ZEB1: variants seen among roughly 807,000 people sequenced by gnomAD.
The protein encoded by ZEB1 is zinc finger E-box-binding homeobox 1.
Under a neutral mutation model 84.9 loss-of-function variants are expected in ZEB1, and 21 were observed. That is an observed-to-expected ratio of 0.25 (90% confidence interval 0.18 to 0.36). ZEB1 has a LOEUF of 0.36. Among genes scored for constraint, ZEB1 ranks in the 10% least tolerant of loss-of-function variants. The pLI is 1.00. For missense variants in ZEB1, 1,104 were observed against 1,330.2 expected (o/e 0.83, Z 2.65); for synonymous variants, 420 against 471.1 (o/e 0.89, Z 1.41).
chr10:31,379,534 T>C (rs1446728538), intron 1 of ZEB1, among the ~76,000 whole-genome samples: 1 of 151,962 alleles, frequency 6.6e-6, no homozygotes, highest in Non-Finnish European at 1.5e-5. Context: ...AATTTTAAAA[T>C]AAATCTTTTA....
At chr10:31,422,635 TC>T (rs1162557395) in intron 1 of ZEB1, among the ~76,000 whole-genome samples, 2 of 152,148 alleles carry the variant, frequency 1.3e-5, no homozygotes, top group Admixed American at 1.3e-4. Flanking sequence ...AATGTACTTT[TC>T]AAAAAATCTA....
At chr10:31,465,689 C>G (rs913413630) in intron 2 of ZEB1, among the ~76,000 whole-genome samples, 13 of 152,020 alleles carry the variant, frequency 8.6e-5, no homozygotes, top group African/African-American at 3.1e-4. Context: ...TCACAGCCCA[C>G]TGTAACTTCA....
chr10:31,382,803 A>T (rs1318554604), intron 1 of ZEB1, among the ~76,000 whole-genome samples: 1 of 152,160 alleles, frequency 6.6e-6, no homozygotes, highest in Admixed American at 6.5e-5. Flanking sequence ...TAAGTTATAT[A>T]TTGTTGTAAA....
At chr10:31,470,855 A>T (rs1213018533) in intron 2 of ZEB1, among the ~76,000 whole-genome samples, 1 of 135,692 alleles carries the variant, frequency 7.4e-6, no homozygotes, top group Non-Finnish European at 1.6e-5. Context: ...TCAGACTAAC[A>T]GCGGATCTCT....
rs767773773 is a variant in ZEB1 at position 31,319,246 on chromosome 10, C to T, written c.12C>T (p.Gly4=). Residue 4 remains glycine (G), a synonymous_variant, in exon 1 of 9, where the codon GGC becomes GGT. Transcript: ENST00000424869. ...CAAGCGAGAGGATCATGGCGGATGG[C>T]CCCAGGTGTAAGCGCAGAAAGCAGG... MAD[G]PRCKRRKQAN... The T allele has an allele frequency of 1.9e-6, 3 of 1,609,280 alleles. No homozygotes were observed. Among genetic ancestry groups the T allele is most frequent in the African/African-American group, 2.7e-5 (2 of 74,702 alleles).
chr10:31,519,098 A>T (rs1208900355), intron 6 of ZEB1, among the ~76,000 whole-genome samples: 1 of 152,142 alleles, frequency 6.6e-6, no homozygotes, highest in Non-Finnish European at 1.5e-5. Flanking sequence ...CACTCATCCA[A>T]AAAAGGTTTA....
chr10:31,383,965 CTTTTTTTTTT>C (rs66865546), intron 1 of ZEB1, among the ~76,000 whole-genome samples: 894 of 56,456 alleles, frequency 0.016, 16 homozygotes, highest in African/African-American at 0.061. Flanking sequence ...TAGATTAGTG[CTTTTTTTTTT>C]TTTTTTTTTT....
rs146890064 is a variant in ZEB1 at position 31,465,553 on chromosome 10, CTTATCAATAATTACT to C, written c.259+4320_259+4334del. ...AACAATAAAATGGCAGTAGTTTTTA[CTTATCAATAATTACT>C]TTAAATGCAAATGGATTAAACTCAG... On this transcript the variant is annotated intron_variant, in intron 2 of 8. Transcript: ENST00000424869. Among the ~76,000 whole-genome samples the C allele has an allele frequency of 7.3e-3, 1,116 of 152,046 alleles. 86 individuals carry two copies. The East Asian group carries it at 0.17, about 24-fold the overall frequency.
chr10:31,441,214 G>C (rs910689647), intron 1 of ZEB1, among the ~76,000 whole-genome samples: 2 of 152,134 alleles, frequency 1.3e-5, no homozygotes, highest in South Asian at 2.1e-4. Flanking sequence ...CAGAGATATA[G>C]ACCAATGGAA....
chr10:31,415,345 A>G (rs1004057546), intron 1 of ZEB1, among the ~76,000 whole-genome samples: 1 of 152,056 alleles, frequency 6.6e-6, no homozygotes, highest in Admixed American at 6.6e-5. Flanking sequence ...TATTACTACT[A>G]CTACTTCTAC....
intron 2 of ZEB1, among the ~76,000 whole-genome samples, chr10:31,493,885 G>A (rs1212154170): frequency 6.6e-6 from 1 of 152,012 alleles, no homozygotes; most frequent in East Asian, 1.9e-4. Flanking sequence ...CTCATCTAAA[G>A]AGCCTAGAAT....
chr10:31,524,319 A>G (rs1281206408), intron 8 of ZEB1, among the ~76,000 whole-genome samples: 1 of 151,920 alleles, frequency 6.6e-6, no homozygotes, highest in Non-Finnish European at 1.5e-5. Context: ...CCCGGGCTCA[A>G]GCCATCCTTT....
chr10:31,436,537 T>G (rs1369296844), intron 1 of ZEB1, among the ~76,000 whole-genome samples: 1 of 152,180 alleles, frequency 6.6e-6, no homozygotes, highest in Non-Finnish European at 1.5e-5. Context: ...TACTAACTGG[T>G]CAACCTTTGG....
intron 2 of ZEB1, among the ~76,000 whole-genome samples, chr10:31,482,370 A>G (rs973000624): frequency 6.6e-6 from 1 of 152,034 alleles, no homozygotes; most frequent in African/African-American, 2.4e-5. Context: ...GACAGAAGCA[A>G]CTTGTCAAAG....
chr10:31,338,665 G>A (rs1171628877), intron 1 of ZEB1, among the ~76,000 whole-genome samples: 2 of 152,070 alleles, frequency 1.3e-5, no homozygotes, highest in African/African-American at 2.4e-5. Context: ...ACACACTGCT[G>A]GACATTGCTT....
At chr10:31,464,647 A>G (rs558020038) in intron 2 of ZEB1, among the ~76,000 whole-genome samples, 185 of 152,342 alleles carry the variant, frequency 1.2e-3, no homozygotes, top group African/African-American at 4.2e-3. Context: ...AAGCAGCAAA[A>G]GAAAAGTTGC....
intron 4 of ZEB1, among the ~76,000 whole-genome samples, chr10:31,509,726 T>C (rs2069631857): frequency 6.6e-6 from 1 of 152,214 alleles, no homozygotes; most frequent in Non-Finnish European, 1.5e-5. Flanking sequence ...GGTTTGTTTT[T>C]CTATAGTGAA....
intron 4 of ZEB1, among the ~76,000 whole-genome samples, chr10:31,505,398 G>A (rs868402369): frequency 1.1e-4 from 16 of 152,190 alleles, no homozygotes; most frequent in South Asian, 4.1e-4. Flanking sequence ...GTAGAATTCA[G>A]CAGTGAACCC....
intron 1 of ZEB1, among the ~76,000 whole-genome samples, chr10:31,345,082 A>G (rs2040065545): frequency 6.6e-6 from 1 of 152,132 alleles, no homozygotes; most frequent in South Asian, 2.1e-4. Context: ...GGATTTTACA[A>G]TTTGGGAGAG....
Sources: gnomAD v4.1 joint callset for allele counts (sites outside exome capture counted in the v4.1 genomes callset) on GRCh38, gnomAD v4.1.1 for gene constraint, MANE v1.5 for transcripts, NCBI Gene and HGNC (gene_info 2026-07-23, HGNC 2026-07-21) for gene names.